Variants in HDX observed in about 807,000 individuals in gnomAD.
HDX encodes highly divergent homeobox.
Under a neutral mutation model 45.2 loss-of-function variants are expected in HDX, and 19 were observed. The observed-to-expected ratio is 0.42, with a 90% confidence interval of 0.29 to 0.62. The LOEUF (loss-of-function observed/expected upper bound fraction) is 0.62. HDX is among the 20% of genes least tolerant of loss of function. The pLI is 0.20. For synonymous variants in HDX, 188 were observed against 172.8 expected (o/e 1.09, Z -0.69); for missense variants, 532 against 493.9 (o/e 1.08, Z -0.73).
At chrX:84,458,233 A>G (rs1232763263) in intron 4 of HDX, among the ~76,000 whole-genome samples, 2 of 110,731 alleles carry the variant, frequency 1.8e-5, no homozygotes, top group African/African-American at 6.6e-5. Flanking sequence ...AGGCTAGATT[A>G]AAATTTAGTT....
chrX:84,373,301 G>A (rs754439051), intron 5 of HDX, among the ~76,000 whole-genome samples: 1 of 110,817 alleles, frequency 9.0e-6, no homozygotes, highest in African/African-American at 3.3e-5. Flanking sequence ...AATCTGTTAG[G>A]GAATGTGGGT....
chrX:84,336,198 A>G (rs768189881), intron 8 of HDX, among the ~76,000 whole-genome samples: 18 of 111,302 alleles, frequency 1.6e-4, no homozygotes, highest in Admixed American at 3.8e-4. Context: ...GAGCATCACT[A>G]TATGTTTACA....
intron 5 of HDX, among the ~76,000 whole-genome samples, chrX:84,391,168 G>GT (rs749671515): frequency 4.2e-4 from 45 of 107,946 alleles, no homozygotes; most frequent in Non-Finnish European, 8.2e-4. Flanking sequence ...TGAGATAAAC[G>GT]TTTTTAGCTG....
chrX:84,339,049 A>G (rs1464144129), intron 7 of HDX, among the ~76,000 whole-genome samples: 1 of 111,381 alleles, frequency 9.0e-6, no homozygotes, highest in Non-Finnish European at 1.9e-5. Flanking sequence ...TTTATAAATT[A>G]CCCAGTCTCA....
intron 5 of HDX, among the ~76,000 whole-genome samples, chrX:84,393,740 A>T (rs2038495423): frequency 9.2e-6 from 1 of 108,776 alleles, no homozygotes; most frequent in South Asian, 3.9e-4. Context: ...TTCTAATTTG[A>T]TCTTGCTAAG....
intron 4 of HDX, among the ~76,000 whole-genome samples, chrX:84,465,173 C>T (rs1333870673): frequency 8.9e-6 from 1 of 111,941 alleles, no homozygotes; most frequent in South Asian, 3.7e-4. Context: ...CAGGAAACAA[C>T]AAATGCTGGA....
intron 2 of HDX, among the ~76,000 whole-genome samples, chrX:84,480,551 A>G (rs7056821): frequency 9.0e-6 from 1 of 110,874 alleles, no homozygotes; most frequent in Non-Finnish European, 1.9e-5. Context: ...TCTTCTTCTT[A>G]TTATTATTAT....
intron 5 of HDX, among the ~76,000 whole-genome samples, chrX:84,388,978 T>A (rs2038381910): frequency 8.9e-6 from 1 of 111,741 alleles, no homozygotes; most frequent in Non-Finnish European, 1.9e-5. Flanking sequence ...TATAGTCAGT[T>A]GGCTTTCATT....
chrX:84,413,567 G>A (rs2039035456), intron 5 of HDX, among the ~76,000 whole-genome samples: 1 of 111,484 alleles, frequency 9.0e-6, no homozygotes, highest in Non-Finnish European at 1.9e-5. Context: ...CCAATGCGTG[G>A]GTGATGGGCA....
rs1602241024 is a variant in HDX at position 84,321,509 on chromosome X, G to A, written c.*380C>T. 8.9e-6 allele frequency: 1 copy of A among 112,685 alleles called. No homozygotes were observed. Among genetic ancestry groups the A allele is most frequent in the South Asian group, 3.7e-4 (1 of 2,708 alleles). The allele number at this position is 112,685 out of a possible 1,213,427, so 9.3% of individuals were successfully genotyped here. ...GATAGGAAAAGGAGAGAAGAAGAAA[G>A]AAGATGTAATGGCTACAAAAACAAG... On this transcript the variant is annotated 3_prime_UTR_variant, in exon 11 of 11. Transcript: ENST00000373177.
chrX:84,334,591 G>A (rs920123757), intron 8 of HDX, among the ~76,000 whole-genome samples: 26 of 102,043 alleles, frequency 2.5e-4, no homozygotes, highest in Admixed American at 2.3e-3. Context: ...ACAGTTCAGC[G>A]TTGATGAAAA....
At chrX:84,410,643 C>T (rs1008709999) in intron 5 of HDX, among the ~76,000 whole-genome samples, 1 of 111,207 alleles carries the variant, frequency 9.0e-6, no homozygotes, top group Non-Finnish European at 1.9e-5. Context: ...TGTTGTGTTT[C>T]GGCCACATTT....
intron 6 of HDX, among the ~76,000 whole-genome samples, chrX:84,354,311 T>C (rs2037424552): frequency 8.9e-6 from 1 of 111,793 alleles, no homozygotes; most frequent in Non-Finnish European, 1.9e-5. Flanking sequence ...AGTATCTTTC[T>C]ATTAAACAAT....
chrX:84,344,580 A>G, intron 6 of HDX, 123 bp from the exon 7 acceptor site: 1 of 433,551 alleles, frequency 2.3e-6, no homozygotes, highest in East Asian at 3.8e-5. Context: ...GTACACAGAA[A>G]GGTAAAAACT....
chrX:84,362,698 C>A (rs2037651534), intron 5 of HDX, among the ~76,000 whole-genome samples: 1 of 110,980 alleles, frequency 9.0e-6, no homozygotes, highest in Admixed American at 9.7e-5. Context: ...AAGTCCCACA[C>A]AGAGGCTAGT....
At chrX:84,458,946 G>A (rs1405452474) in intron 4 of HDX, among the ~76,000 whole-genome samples, 1 of 111,555 alleles carries the variant, frequency 9.0e-6, no homozygotes, top group African/African-American at 3.3e-5. Flanking sequence ...TTAGATACTA[G>A]CTAAAGAACC....
chrX:84,328,232 T>C (rs1341091613), intron 9 of HDX, among the ~76,000 whole-genome samples: 1 of 110,060 alleles, frequency 9.1e-6, no homozygotes, highest in Non-Finnish European at 1.9e-5. Flanking sequence ...CATGGTATGG[T>C]GTGGTGGCAT....
At chrX:84,334,113 A>G (rs1383291231) in intron 8 of HDX, among the ~76,000 whole-genome samples, 2 of 111,464 alleles carry the variant, frequency 1.8e-5, no homozygotes, top group Non-Finnish European at 3.8e-5. Context: ...AAAGCAGGCG[A>G]ACTGCTTAAA....
chrX:84,430,269 G>A (rs1197285906), intron 5 of HDX, among the ~76,000 whole-genome samples: 1 of 110,815 alleles, frequency 9.0e-6, no homozygotes, highest in Non-Finnish European at 1.9e-5. Flanking sequence ...AACATGTGGT[G>A]TTTAACTTTC....
Sources: gnomAD v4.1 joint callset for allele counts (sites outside exome capture counted in the v4.1 genomes callset) on GRCh38, gnomAD v4.1.1 for gene constraint, MANE v1.5 for transcripts, NCBI Gene and HGNC (gene_info 2026-07-23, HGNC 2026-07-21) for gene names.